VPS13C: variants seen among roughly 807,000 people sequenced by gnomAD.
VPS13C encodes the protein intermembrane lipid transfer protein VPS13C.
In VPS13C, 358 loss-of-function variants were observed where a neutral mutation model predicts 456.8. The observed-to-expected ratio is 0.78, with a 90% confidence interval of 0.72 to 0.86. The LOEUF is 0.86. Among genes scored for constraint, VPS13C ranks in the 40% least tolerant of loss-of-function variants. VPS13C has a pLI of 0.00. For missense variants in VPS13C, 4,818 were observed against 4,385.4 expected (o/e 1.10, Z -2.79); for synonymous variants, 1,578 against 1,486.7 (o/e 1.06, Z -1.41).
intron 5 of VPS13C, among the ~76,000 whole-genome samples, chr15:62,029,394 TATCA>T (rs1382683831): frequency 6.6e-6 from 1 of 152,136 alleles, no homozygotes; most frequent in Non-Finnish European, 1.5e-5. Flanking sequence ...AACTACTCTC[TATCA>T]GACTCCCAAA....
chr15:61,944,625 G>A (rs552919641), intron 45 of VPS13C, among the ~76,000 whole-genome samples: 33 of 152,070 alleles, frequency 2.2e-4, no homozygotes, highest in East Asian at 3.9e-4. Flanking sequence ...AAGACACTGC[G>A]GACTACTACA....
At position 62,044,088 on chromosome 15, in the gene VPS13C, C is replaced by T. The variant is rs141293777; in HGVS notation, c.144+124G>A. The T allele has an allele frequency of 4.0e-4, 241 of 595,682 alleles. 2 individuals carry two copies. The East Asian group carries it at 8.0e-3, about 20-fold the overall frequency. The allele number at this position is 595,682 out of a possible 1,614,324, so 36.9% of individuals were successfully genotyped here. A position where few individuals can be genotyped will look rare whatever the true frequency, so the allele number is the denominator to read the frequency against. On this transcript the variant is annotated intron_variant, in intron 2 of 84. Coordinates refer to ENST00000644861, the MANE Select transcript of VPS13C (RefSeq NM_020821.3). ...GATTTTCCAACAGCAAATAGTTGAA[C>T]AAGTAATCCCTTGAGTGATTCCATC... is the stretch of plus-strand genomic sequence containing the variant.
chr15:61,900,155 C>A (rs1469106778), intron 66 of VPS13C, among the ~76,000 whole-genome samples: 1 of 152,114 alleles, frequency 6.6e-6, no homozygotes, highest in African/African-American at 2.4e-5. Flanking sequence ...CAGCCAATAT[C>A]ATACTGAATG....
At chr15:62,028,066 G>C (rs891933171) in intron 6 of VPS13C, among the ~76,000 whole-genome samples, 1 of 152,004 alleles carries the variant, frequency 6.6e-6, no homozygotes, top group Admixed American at 6.6e-5. Flanking sequence ...AAATCTGAAA[G>C]TTATCTGTAG....
chr15:61,974,432 C>T lies in VPS13C; in HGVS notation c.2409-15G>A. On this transcript the variant is annotated splice_polypyrimidine_tract_variant and intron_variant, in intron 24 of 84. Coordinates refer to ENST00000644861, the MANE Select transcript of VPS13C (RefSeq NM_020821.3). ...ACACTTTAAATCTAAAAATACAATTCAGTGGTTTTAAGTCAGCATCTCTAC... is the reference window on the plus strand; with the variant it reads ...ACACTTTAAATCTAAAAATACAATTTAGTGGTTTTAAGTCAGCATCTCTAC... 2 of 1,609,516 alleles carry T rather than the reference C, an allele frequency of 1.2e-6. No homozygotes were observed. The highest frequency in any genetic ancestry group is 1.7e-6 in the Non-Finnish European group (2 of 1,177,350).
At chr15:62,035,650 G>A (rs1168628288) in intron 3 of VPS13C, among the ~76,000 whole-genome samples, 2 of 151,942 alleles carry the variant, frequency 1.3e-5, no homozygotes, top group Non-Finnish European at 2.9e-5. Context: ...AACAGGAAGA[G>A]GCTAGCTCTA....
intron 17 of VPS13C, 21 bp downstream of exon 17, chr15:61,991,652 G>C: frequency 6.2e-7 from 1 of 1,608,582 alleles, no homozygotes; most frequent in Non-Finnish European, 8.5e-7. Flanking sequence ...TGTACAATAA[G>C]TTATTTGACT....
intron 82 of VPS13C, 69 bp from the exon 83 acceptor site, chr15:61,856,478 C>T (rs903053004): frequency 5.7e-6 from 9 of 1,582,198 alleles, no homozygotes; most frequent in Non-Finnish European, 7.7e-6. Context: ...CAATATTTCA[C>T]CCTACTGGAT....
At chr15:61,917,787 T>C in intron 59 of VPS13C, 152 bp from the exon 60 acceptor site, 3 of 955,916 alleles carry the variant, frequency 3.1e-6, no homozygotes, top group Non-Finnish European at 4.4e-6. Flanking sequence ...AAAAAAAAGG[T>C]TAGGAAATTC....
rs994563875 is a variant in VPS13C at position 61,867,994 on chromosome 15, A to T, written c.10863+665T>A. 1.6e-6 allele frequency: 2 copies of T among 1,271,520 alleles called. No homozygotes were observed. The highest frequency in any genetic ancestry group is 2.3e-6 in the Non-Finnish European group (2 of 876,222). The allele number at this position is 1,271,520 out of a possible 1,614,324, so 78.8% of individuals were successfully genotyped here. A position where few individuals can be genotyped will look rare whatever the true frequency, so the allele number is the denominator to read the frequency against. On this transcript the variant is annotated intron_variant, in intron 81 of 84. Coordinates refer to ENST00000644861, the MANE Select transcript of VPS13C (RefSeq NM_020821.3). This position sits in a 1 kb window ranked among gnomAD's most constrained non-coding sequence, Gnocchi z 5.0. Reference sequence around the variant, plus strand: ...GAAAATAAAGTTAGAAGCATGCAGAAAGATAGATAAAACGTAATCATATAC... The same window carrying T: ...GAAAATAAAGTTAGAAGCATGCAGATAGATAGATAAAACGTAATCATATAC...
At chr15:62,012,787 A>C (rs956469176) in intron 11 of VPS13C, among the ~76,000 whole-genome samples, 1 of 151,944 alleles carries the variant, frequency 6.6e-6, no homozygotes, top group Non-Finnish European at 1.5e-5. Flanking sequence ...AAAAAGCATA[A>C]ATACAGTTTT....
At chr15:61,941,658 T>C (rs1486699898) in intron 46 of VPS13C, 105 bp downstream of exon 46, 2 of 1,225,386 alleles carry the variant, frequency 1.6e-6, no homozygotes, top group South Asian at 1.6e-5. Context: ...TTAGAAGAAA[T>C]AAGGAATGAA....
At chr15:62,000,298 G>C (rs908256814) in intron 16 of VPS13C, among the ~76,000 whole-genome samples, 3 of 152,138 alleles carry the variant, frequency 2.0e-5, no homozygotes, top group Admixed American at 6.5e-5. Flanking sequence ...CCGGGAGGCA[G>C]AGGCTGCAGC....
At chr15:61,877,256 C>T (rs1596281463) in intron 74 of VPS13C, among the ~76,000 whole-genome samples, 2 of 151,942 alleles carry the variant, frequency 1.3e-5, no homozygotes, top group South Asian at 4.1e-4. Flanking sequence ...TTCATATATG[C>T]ATAAAGAGTT....
At chr15:61,926,695 T>A (rs2043861445) in intron 52 of VPS13C, among the ~76,000 whole-genome samples, 1 of 152,208 alleles carries the variant, frequency 6.6e-6, no homozygotes, top group African/African-American at 2.4e-5. Flanking sequence ...TCACTTTTAA[T>A]AACAGCAGAA....
intron 16 of VPS13C, among the ~76,000 whole-genome samples, chr15:61,998,614 T>C (rs770192582): frequency 2.4e-4 from 37 of 152,178 alleles, no homozygotes; most frequent in Non-Finnish European, 3.7e-4. Context: ...CAAAATCATA[T>C]AATTAGTAGA....
rs115935867 is a variant in VPS13C, at chr15:61,865,739, T to C, written c.10864-2211A>G. Reference sequence around the variant, plus strand: ...GTGTATATATGTGTTTGTGTGTATGTATATCTGTATGTGTACATATATGTA... The same window carrying C: ...GTGTATATATGTGTTTGTGTGTATGCATATCTGTATGTGTACATATATGTA... On this transcript the variant is annotated intron_variant, in intron 81 of 84. Transcript: ENST00000644861. The C allele has an allele frequency of 2.3e-3, 1,289 of 550,854 alleles. 21 individuals are homozygous for C. The African/African-American group carries it at 0.025, about 11-fold the overall frequency. 34.1% of individuals were successfully genotyped at this position (550,854 alleles called of 1,614,324 possible). A position where few individuals can be genotyped will look rare whatever the true frequency, so the allele number is the denominator to read the frequency against.
At chr15:61,985,067 T>C (rs974350991) in intron 18 of VPS13C, 68 bp from the exon 19 acceptor site, 1 of 1,216,298 alleles carries the variant, frequency 8.2e-7, no homozygotes, top group African/African-American at 1.6e-5. Flanking sequence ...AATAATTTCT[T>C]ATTTAAATTT....
intron 16 of VPS13C, among the ~76,000 whole-genome samples, chr15:61,999,249 C>T (rs1023793233): frequency 3.9e-5 from 6 of 151,976 alleles, no homozygotes; most frequent in Admixed American, 3.3e-4. Flanking sequence ...CATGGTGGCA[C>T]ATGCCTATAG....
Sources: gnomAD v4.1 joint callset for allele counts (sites outside exome capture counted in the v4.1 genomes callset) on GRCh38, gnomAD v4.1.1 for gene constraint, Gnocchi (gnomAD v3.1) non-coding constraint, MANE v1.5 for transcripts, NCBI Gene and HGNC (gene_info 2026-07-23, HGNC 2026-07-21) for gene names.